Variants in TAFA2 observed in about 807,000 individuals in gnomAD.
The protein encoded by TAFA2 is chemokine-like protein TAFA-2.
In TAFA2, 7 loss-of-function variants were observed where a neutral mutation model predicts 18.8. The observed-to-expected ratio is 0.37, with a 90% confidence interval of 0.21 to 0.70. The LOEUF (loss-of-function observed/expected upper bound fraction) is 0.70, where lower values mean the gene tolerates loss of function less well. TAFA2 is among the 30% of genes least tolerant of loss of function. The pLI is 0.53. For missense variants in TAFA2, 122 were observed against 158.1 expected (o/e 0.77, Z 1.23); for synonymous variants, 60 against 54.2 (o/e 1.11, Z -0.47).
intron 1 of TAFA2, among the ~76,000 whole-genome samples, chr12:62,065,657 A>C (rs1882465529): frequency 6.6e-6 from 1 of 151,958 alleles, no homozygotes; most frequent in Admixed American, 6.6e-5. Flanking sequence ...TTAAAATCAT[A>C]TGGTTTCACT....
intron 1 of TAFA2, among the ~76,000 whole-genome samples, chr12:62,171,825 C>G (rs1435260628): frequency 6.6e-6 from 1 of 152,184 alleles, no homozygotes; most frequent in South Asian, 2.1e-4. Flanking sequence ...CCCCTACCAA[C>G]AGACAAAAAT....
At chr12:61,725,777 A>G (rs958773903) in intron 4 of TAFA2, among the ~76,000 whole-genome samples, 11 of 151,806 alleles carry the variant, frequency 7.2e-5, no homozygotes, top group Non-Finnish European at 1.5e-4. Flanking sequence ...AGTAACCTGG[A>G]TGGAGTTGGA....
chr12:62,142,047 C>T (rs1049266820), intron 1 of TAFA2, among the ~76,000 whole-genome samples: 4 of 152,188 alleles, frequency 2.6e-5, no homozygotes, highest in Non-Finnish European at 4.4e-5. Context: ...CAGGGAAGCA[C>T]CTTTATGTTC....
At chr12:62,007,111 G>C (rs994647065) in intron 1 of TAFA2, among the ~76,000 whole-genome samples, 1 of 152,072 alleles carries the variant, frequency 6.6e-6, no homozygotes, top group Non-Finnish European at 1.5e-5. Flanking sequence ...TGGCCCCCAT[G>C]CTCCTTCTGC....
chr12:61,728,861 T>G (rs1870304287), intron 4 of TAFA2, among the ~76,000 whole-genome samples: 1 of 152,066 alleles, frequency 6.6e-6, no homozygotes, highest in African/African-American at 2.4e-5. Context: ...TTTAAAAAGT[T>G]TCTATTTTGG....
chr12:62,186,556 G>A (rs921316628), intron 1 of TAFA2, among the ~76,000 whole-genome samples: 3 of 152,000 alleles, frequency 2.0e-5, no homozygotes, highest in Non-Finnish European at 2.9e-5. Context: ...ATAAAGCTAC[G>A]TTTAAAAGAA....
At chr12:62,098,452 T>C (rs1283014023) in intron 1 of TAFA2, among the ~76,000 whole-genome samples, 1 of 152,148 alleles carries the variant, frequency 6.6e-6, no homozygotes, top group Non-Finnish European at 1.5e-5. Context: ...CCCTGCCATG[T>C]GGAAAAATCC....
chr12:62,062,853 G>C (rs187417134), intron 1 of TAFA2, among the ~76,000 whole-genome samples: 22 of 152,198 alleles, frequency 1.4e-4, no homozygotes, highest in South Asian at 4.1e-4. Flanking sequence ...GCCTTTCCCA[G>C]CTTTTAAAGG....
At chr12:62,184,451 C>T (rs1428622159) in intron 1 of TAFA2, among the ~76,000 whole-genome samples, 2 of 148,972 alleles carry the variant, frequency 1.3e-5, no homozygotes, top group Non-Finnish European at 3.0e-5. Flanking sequence ...TATTATTGCA[C>T]TTCCATGCCA....
At chr12:61,877,894 T>C (rs1173448509) in intron 1 of TAFA2, among the ~76,000 whole-genome samples, 1 of 127,400 alleles carries the variant, frequency 7.8e-6, no homozygotes, top group Non-Finnish European at 1.6e-5. Flanking sequence ...GATAAACAAA[T>C]TGTGATTTTT....
At chr12:62,208,108 T>C (rs1251058549) in intron 1 of TAFA2, among the ~76,000 whole-genome samples, 1 of 152,108 alleles carries the variant, frequency 6.6e-6, no homozygotes, top group African/African-American at 2.4e-5. Context: ...AACCTTTTTA[T>C]CTAGTAGTTT....
chr12:62,208,942 T>C (rs2062702985), intron 1 of TAFA2, among the ~76,000 whole-genome samples: 1 of 152,222 alleles, frequency 6.6e-6, no homozygotes, highest in African/African-American at 2.4e-5. Context: ...GTCATGCTGG[T>C]AGTCATCTTG....
At chr12:62,106,190 C>T (rs947677282) in intron 1 of TAFA2, among the ~76,000 whole-genome samples, 1 of 151,494 alleles carries the variant, frequency 6.6e-6, no homozygotes, top group African/African-American at 2.4e-5. Context: ...AAAAAATAGC[C>T]GGGTGTGGTG....
intron 1 of TAFA2, among the ~76,000 whole-genome samples, chr12:62,105,180 C>T (rs1339372338): frequency 6.6e-6 from 1 of 152,074 alleles, no homozygotes; most frequent in African/African-American, 2.4e-5. Flanking sequence ...AGATATGTGA[C>T]TGCTCCGAGT....
At chr12:61,975,759 A>C (rs1318425290) in intron 1 of TAFA2, among the ~76,000 whole-genome samples, 1 of 151,830 alleles carries the variant, frequency 6.6e-6, no homozygotes, top group African/African-American at 2.4e-5. Context: ...TTAAGGGTAC[A>C]AACTTGTAGT....
chr12:61,970,742 T>G (rs1388244991), intron 1 of TAFA2, among the ~76,000 whole-genome samples: 2 of 131,014 alleles, frequency 1.5e-5, no homozygotes, highest in African/African-American at 5.7e-5. Context: ...GAAACAAGAG[T>G]CACCAGTTTA....
intron 1 of TAFA2, among the ~76,000 whole-genome samples, chr12:62,076,183 C>T (rs980840685): frequency 6.6e-6 from 1 of 152,096 alleles, no homozygotes; most frequent in Non-Finnish European, 1.5e-5. Context: ...TAAGATCAGT[C>T]TTCCCTACTT....
chr12:62,099,112 G>A (rs1565743726), intron 1 of TAFA2, among the ~76,000 whole-genome samples: 1 of 152,216 alleles, frequency 6.6e-6, no homozygotes, highest in East Asian at 1.9e-4. Flanking sequence ...AAAGAGACTT[G>A]TAATTTCATT....
intron 2 of TAFA2, among the ~76,000 whole-genome samples, chr12:61,759,610 G>A (rs1263877312): frequency 6.6e-6 from 1 of 151,888 alleles, no homozygotes; most frequent in Non-Finnish European, 1.5e-5. Flanking sequence ...CTTTGTTACT[G>A]CGACCAACTC....
Sources: gnomAD v4.1 joint callset for allele counts (sites outside exome capture counted in the v4.1 genomes callset) on GRCh38, gnomAD v4.1.1 for gene constraint, MANE v1.5 for transcripts, NCBI Gene and HGNC (gene_info 2026-07-23, HGNC 2026-07-21) for gene names.